WDR48: variants seen among roughly 807,000 people sequenced by gnomAD.
WDR48 encodes WD repeat-containing protein 48.
A neutral mutation model predicts 94.0 loss-of-function variants in WDR48; 22 were observed. That is an observed-to-expected ratio of 0.23 (90% confidence interval 0.17 to 0.33). The LOEUF is 0.33. WDR48 is among the 10% of genes least tolerant of loss of function. The pLI is 1.00. For synonymous variants in WDR48, 278 were observed against 280.5 expected, an observed-to-expected ratio of 0.99 and a Z score of 0.09; for missense variants, 541 against 813.8, an observed-to-expected ratio of 0.66 and a Z score of 4.08.
intron 9 of WDR48, among the ~76,000 whole-genome samples, chr3:39,077,498 C>CTT (rs2034291704): frequency 6.6e-6 from 1 of 152,206 alleles, no homozygotes; most frequent in Admixed American, 6.5e-5. Context: ...AGTCTTAGTA[C>CTT]ATCTTCTGAC....
intron 7 of WDR48, among the ~76,000 whole-genome samples, chr3:39,073,771 C>T (rs2034064737): frequency 6.6e-6 from 1 of 152,186 alleles, no homozygotes; most frequent in Non-Finnish European, 1.5e-5. Flanking sequence ...CCAGTGTTAA[C>T]TCACTTGAGG....
At chr3:39,062,405 A>G (rs996389709) in intron 1 of WDR48, among the ~76,000 whole-genome samples, 17 of 152,264 alleles carry the variant, frequency 1.1e-4, no homozygotes, top group Non-Finnish European at 2.1e-4. Context: ...GGTCACCAAC[A>G]GTAACAAAGT....
At chr3:39,055,776 T>C (rs2032837468) in intron 1 of WDR48, among the ~76,000 whole-genome samples, 1 of 152,216 alleles carries the variant, frequency 6.6e-6, no homozygotes, top group African/African-American at 2.4e-5. Context: ...AGTCTGTTGA[T>C]TGGCTCTCTG....
intron 11 of WDR48, among the ~76,000 whole-genome samples, chr3:39,082,535 C>T (rs1254807736): frequency 6.6e-6 from 1 of 152,106 alleles, no homozygotes; most frequent in Non-Finnish European, 1.5e-5. Flanking sequence ...CCGTCTTGGC[C>T]TCCCACAGTG....
chr3:39,079,009 G>A (rs1364452435), intron 10 of WDR48, among the ~76,000 whole-genome samples: 2 of 142,720 alleles, frequency 1.4e-5, no homozygotes, highest in East Asian at 2.1e-4. Context: ...CAGCCTGGGC[G>A]ACAGAGCGAG....
Position 39,084,134 on chromosome 3 carries a change from A to G in WDR48, c.1174-21A>G, listed in dbSNP as rs112267907. 1,231 of 1,581,488 alleles carry G rather than the reference A, an allele frequency of 7.8e-4. 12 individuals are homozygous for G. The African/African-American group carries it at 0.014, about 18-fold the overall frequency. ...AATTCACCACTTAATATTGATCATT[A>G]TACTTTCTTTTGATGTATAGGCATG... is the stretch of plus-strand genomic sequence containing the variant. On this transcript the variant is annotated intron_variant, in intron 11 of 18. Coordinates refer to ENST00000302313, the MANE Select transcript of WDR48 (RefSeq NM_020839.4).
chr3:39,086,685 A>G (rs1465049991), intron 14 of WDR48, among the ~76,000 whole-genome samples: 2 of 152,224 alleles, frequency 1.3e-5, no homozygotes, highest in African/African-American at 2.4e-5. Context: ...CTTAACAGCT[A>G]TGTTGCTGTG....
intron 8 of WDR48, among the ~76,000 whole-genome samples, chr3:39,075,696 AT>A (rs1332705894): frequency 1.4e-3 from 204 of 144,468 alleles, no homozygotes; most frequent in Admixed American, 1.4e-3. Context: ...AGTTTCCAAA[AT>A]TTTTTTTTTT....
intron 2 of WDR48, among the ~76,000 whole-genome samples, chr3:39,064,122 T>C (rs1417652214): frequency 6.6e-6 from 1 of 152,174 alleles, no homozygotes; most frequent in Non-Finnish European, 1.5e-5. Flanking sequence ...ACACCTATAT[T>C]GTGAATGACA....
intron 7 of WDR48, among the ~76,000 whole-genome samples, chr3:39,072,253 A>G (rs1575411464): frequency 6.6e-6 from 1 of 152,238 alleles, no homozygotes; most frequent in Non-Finnish European, 1.5e-5. Flanking sequence ...TGGTGCTAAC[A>G]TTATTGGGCA....
At chr3:39,067,125 C>A (rs1441509927) in intron 5 of WDR48, among the ~76,000 whole-genome samples, 1 of 152,138 alleles carries the variant, frequency 6.6e-6, no homozygotes, top group Non-Finnish European at 1.5e-5. Flanking sequence ...TGTCTTAGCT[C>A]CCTAGCTAAA....
chr3:39,089,209 C>A, intron 15 of WDR48, 22 bp from the exon 16 acceptor site: 1 of 1,606,324 alleles, frequency 6.2e-7, no homozygotes, highest in Non-Finnish European at 8.5e-7. Flanking sequence ...GGGTTACTTA[C>A]TACTTGATGG....
chr3:39,052,992 G>A (rs1386242956), intron 1 of WDR48, among the ~76,000 whole-genome samples: 1 of 152,154 alleles, frequency 6.6e-6, no homozygotes, highest in African/African-American at 2.4e-5. Context: ...TGCACGTTGT[G>A]CACATATATC....
At chr3:39,057,770 G>A (rs759259284) in intron 1 of WDR48, among the ~76,000 whole-genome samples, 19 of 151,922 alleles carry the variant, frequency 1.3e-4, no homozygotes, top group Admixed American at 9.8e-4. Flanking sequence ...CTACAGGTGC[G>A]CACCACCACA....
intron 8 of WDR48, among the ~76,000 whole-genome samples, chr3:39,075,867 T>C (rs1291638613): frequency 6.6e-6 from 1 of 152,020 alleles, no homozygotes. Flanking sequence ...CTAATTTTTT[T>C]TTGTTTTTTT....
chr3:39,082,873 C>T (rs1169180381), intron 11 of WDR48, among the ~76,000 whole-genome samples: 2 of 152,060 alleles, frequency 1.3e-5, no homozygotes, highest in East Asian at 3.9e-4. Flanking sequence ...AGTTTGATGT[C>T]ATAGGAAATG....
chr3:39,052,101 C>G (rs2032432889), intron 1 of WDR48, 28 bp downstream of exon 1: 33 of 1,612,418 alleles, frequency 2.0e-5, no homozygotes, highest in Non-Finnish European at 2.7e-5. Context: ...CTCGGTCTTC[C>G]GGACGCGGCC....
At chr3:39,055,007 C>G (rs2032771200) in intron 1 of WDR48, among the ~76,000 whole-genome samples, 1 of 152,124 alleles carries the variant, frequency 6.6e-6, no homozygotes, top group South Asian at 2.1e-4. Flanking sequence ...TATTTTTGAA[C>G]TTTTTACCAC....
chr3:39,053,401 G>C (rs1353614463), intron 1 of WDR48, among the ~76,000 whole-genome samples: 1 of 152,180 alleles, frequency 6.6e-6, no homozygotes, highest in African/African-American at 2.4e-5. Context: ...GATCAGTACA[G>C]TGTCTTAAGC....
Sources: gnomAD v4.1 joint callset for allele counts (sites outside exome capture counted in the v4.1 genomes callset) on GRCh38, gnomAD v4.1.1 for gene constraint, MANE v1.5 for transcripts, NCBI Gene and HGNC (gene_info 2026-07-23, HGNC 2026-07-21) for gene names.